PTGES3: variants seen among roughly 807,000 people sequenced by gnomAD.
PTGES3 encodes prostaglandin E synthase 3, also known as Hsp90 co-chaperone.
PTGES3 carries 5 observed loss-of-function variants against 29.9 expected under a neutral mutation model. The ratio of observed to expected loss-of-function variants is 0.17; its 90% CI spans 0.09 to 0.35. PTGES3 has a LOEUF of 0.35. Ranked by LOEUF, PTGES3 falls within the 10% of genes least tolerant of loss-of-function variation. PTGES3 has a pLI of 1.00. For missense variants in PTGES3, 128 were observed against 190.0 expected, an observed-to-expected ratio of 0.67 and a Z score of 1.92; for synonymous variants, 49 against 57.8, an observed-to-expected ratio of 0.85 and a Z score of 0.69.
At chr12:56,671,616 A>G in intron 4 of PTGES3, 133 bp downstream of exon 4, 1 of 474,332 alleles carries the variant, frequency 2.1e-6, no homozygotes. Flanking sequence ...GAGTAGACAA[A>G]AAACATGAAC....
chr12:56,669,065 A>G (rs922536001), intron 5 of PTGES3, among the ~76,000 whole-genome samples: 1 of 128,886 alleles, frequency 7.8e-6, no homozygotes, highest in Non-Finnish European at 1.5e-5. Context: ...GCTGGAGTGC[A>G]GTGGTGTGAT....
intron 5 of PTGES3, among the ~76,000 whole-genome samples, chr12:56,668,621 AAAT>A (rs1279404585): frequency 2.0e-5 from 3 of 152,212 alleles, no homozygotes; most frequent in Non-Finnish European, 4.4e-5. Flanking sequence ...TACAATTAAA[AAAT>A]AATATGAATA....
intron 5 of PTGES3, among the ~76,000 whole-genome samples, chr12:56,667,332 T>C (rs956896832): frequency 1.3e-5 from 2 of 152,216 alleles, no homozygotes; most frequent in African/African-American, 4.8e-5. Flanking sequence ...ATTTTTGTAA[T>C]GTTTAAATTT....
In PTGES3 at chr12:56,688,052, G is replaced by T; in HGVS notation, c.-53C>A. 6.0e-6 allele frequency: 9 copies of T among 1,499,492 alleles called. No individual in the cohort carries two copies. Among genetic ancestry groups the T allele is most frequent in the Non-Finnish European group, 8.0e-6 (9 of 1,123,550 alleles). The allele number at this position is 1,499,492 out of a possible 1,614,324, so 92.9% of individuals were successfully genotyped here. A position where few individuals can be genotyped will look rare whatever the true frequency, so the allele number is the denominator to read the frequency against. ...CTGGTGGGCGGGCCTCTCTGGCGGCGGCTGCTGCTAGGGAGTCGACTTCTC... is the reference window on the plus strand; with the variant it reads ...CTGGTGGGCGGGCCTCTCTGGCGGCTGCTGCTGCTAGGGAGTCGACTTCTC... On this transcript the variant is annotated 5_prime_UTR_variant, in exon 1 of 8. Transcript: ENST00000262033.
At chr12:56,669,007 A>ATTTTTTTTTTTT (rs577249197) in intron 5 of PTGES3, among the ~76,000 whole-genome samples, 2 of 97,056 alleles carry the variant, frequency 2.1e-5, no homozygotes, top group East Asian at 3.2e-4. Context: ...TTCACCATGA[A>ATTTTTTTTTTTT]TTTTTTTTTT....
chr12:56,685,104 C>CA (rs58687422), intron 1 of PTGES3, among the ~76,000 whole-genome samples: 86,269 of 151,170 alleles, frequency 0.57, 26,304 homozygotes, highest in East Asian at 0.74. Context: ...ACCCTGTCTC[C>CA]AAAAAAAACA....
chr12:56,685,035 T>C (rs1434939939), intron 1 of PTGES3, among the ~76,000 whole-genome samples: 1 of 152,008 alleles, frequency 6.6e-6, no homozygotes, highest in South Asian at 2.1e-4. Context: ...GCAAGGAGGA[T>C]CGCTTGAGCC....
rs1242963945 is a variant in PTGES3 at position 56,664,307 on chromosome 12, A to G, written c.*172T>C. 15 of 654,812 alleles carry G rather than the reference A, an allele frequency of 2.3e-5. No homozygotes were observed. Among genetic ancestry groups the G allele is most frequent in the East Asian group, 3.0e-5 (1 of 32,792 alleles). 40.6% of individuals were successfully genotyped at this position (654,812 alleles called of 1,614,324 possible). On this transcript the variant is annotated 3_prime_UTR_variant, in exon 8 of 8. Coordinates refer to ENST00000262033, the MANE Select transcript of PTGES3 (RefSeq NM_006601.7). ...TTAAAATTGCCCCATACAATGGTAC[A>G]TATCAACCCTTAGTGAAGCCTTTTA...
intron 1 of PTGES3, 57 bp downstream of exon 1, chr12:56,687,938 GCCC>G: frequency 8.7e-6 from 14 of 1,603,738 alleles, no homozygotes; most frequent in Non-Finnish European, 1.1e-5. Context: ...CTTCCAGGGA[GCCC>G]CCAACGCGGC....
intron 5 of PTGES3, among the ~76,000 whole-genome samples, chr12:56,668,848 T>G (rs1762116949): frequency 6.6e-6 from 1 of 152,164 alleles, no homozygotes; most frequent in Admixed American, 6.6e-5. Context: ...CTTTCTGTAC[T>G]TAGTTTTATT....
At chr12:56,676,141 G>A (rs565704069) in intron 1 of PTGES3, among the ~76,000 whole-genome samples, 30 of 150,176 alleles carry the variant, frequency 2.0e-4, no homozygotes, top group Non-Finnish European at 3.7e-4. Flanking sequence ...GGGGGAGGGG[G>A]AGGGGGAGGT....
chr12:56,670,792 T>C (rs1417361847), intron 4 of PTGES3: 2 of 175,210 alleles, frequency 1.1e-5, no homozygotes, highest in South Asian at 1.4e-4. Flanking sequence ...TAGGAGGGCA[T>C]GTAATTAGCA....
intron 1 of PTGES3, among the ~76,000 whole-genome samples, chr12:56,680,679 G>A (rs1952490048): frequency 6.6e-6 from 1 of 151,754 alleles, no homozygotes; most frequent in Non-Finnish European, 1.5e-5. Context: ...ACCACACCTG[G>A]CCCAGTTCTC....
chr12:56,683,409 G>A (rs1056608064), intron 1 of PTGES3, among the ~76,000 whole-genome samples: 1 of 143,794 alleles, frequency 7.0e-6, no homozygotes, highest in African/African-American at 2.6e-5. Flanking sequence ...GGAGGCGGAG[G>A]TTGCGGTGAG....
chr12:56,685,257 G>A (rs1053815248), intron 1 of PTGES3, among the ~76,000 whole-genome samples: 2 of 152,108 alleles, frequency 1.3e-5, no homozygotes, highest in Non-Finnish European at 2.9e-5. Context: ...CTTGTTAAGA[G>A]TCCCTGAAGA....
intron 3 of PTGES3, 93 bp downstream of exon 3, chr12:56,672,647 A>C: frequency 7.3e-7 from 1 of 1,365,734 alleles, no homozygotes; most frequent in South Asian, 1.9e-5. Flanking sequence ...CACTGTTAAG[A>C]AAAACAGAAC....
chr12:56,682,012 A>C (rs1452067609), intron 1 of PTGES3, among the ~76,000 whole-genome samples: 1 of 151,832 alleles, frequency 6.6e-6, no homozygotes, highest in Admixed American at 6.6e-5. Context: ...GTGCCCAGCT[A>C]ATTTTTGTAT....
chr12:56,669,551 G>A (rs1447742481), intron 5 of PTGES3, among the ~76,000 whole-genome samples: 1 of 152,160 alleles, frequency 6.6e-6, no homozygotes, highest in African/African-American at 2.4e-5. Context: ...CCAAAGTGCT[G>A]GGATTACAGG....
chr12:56,671,119 G>C (rs1184765493), intron 4 of PTGES3, among the ~76,000 whole-genome samples: 2 of 152,070 alleles, frequency 1.3e-5, no homozygotes, highest in East Asian at 1.9e-4. Context: ...AAAAGACTAG[G>C]CTGGTGTCGT....
Sources: gnomAD v4.1 joint callset for allele counts (sites outside exome capture counted in the v4.1 genomes callset) on GRCh38, gnomAD v4.1.1 for gene constraint, MANE v1.5 for transcripts, NCBI Gene and HGNC (gene_info 2026-07-23, HGNC 2026-07-21) for gene names.